The following SYNE2 variants were observed in gnomAD, a reference collection of about 807,000 sequenced individuals.
The protein encoded by SYNE2 is nesprin-2.
A neutral mutation model predicts 856.3 loss-of-function variants in SYNE2; 431 were observed. The ratio of observed to expected loss-of-function variants is 0.50; its 90% CI spans 0.47 to 0.55. SYNE2 has a LOEUF of 0.55. Among genes scored for constraint, SYNE2 ranks in the 20% least tolerant of loss-of-function variants. The pLI is 0.00. For missense variants in SYNE2, 8,129 were observed against 8,023.2 expected, an observed-to-expected ratio of 1.01 and a Z score of -0.50; for synonymous variants, 2,923 against 2,872.3, an observed-to-expected ratio of 1.02 and a Z score of -0.56.
intron 1 of SYNE2, among the ~76,000 whole-genome samples, chr14:63,767,111 C>CT (rs11374988): frequency 0.23 from 33,330 of 144,134 alleles, 4,629 homozygotes; most frequent in African/African-American, 0.39. Flanking sequence ...TTTTTTTTAT[C>CT]TTTTTTTTTT....
chr14:64,036,082 A>G (rs1311794017), intron 45 of SYNE2, among the ~76,000 whole-genome samples: 1 of 152,082 alleles, frequency 6.6e-6, no homozygotes, highest in African/African-American at 2.4e-5. Flanking sequence ...TAAATCCTTT[A>G]AGAGGCTAAC....
rs534781613 is a variant in SYNE2 at position 64,021,522 on chromosome 14, C to T, written c.5352+7C>T. The T allele has an allele frequency of 6.2e-7, 1 of 1,613,918 alleles. No homozygotes were observed. The highest frequency in any genetic ancestry group is 1.1e-5 in the South Asian group (1 of 91,072). Reference sequence around the variant, plus strand: ...GATCTTCACTAAACTAGAGGTGCTACCGAGCTGCTTGTCTTCTGTGGTTCA... The same window carrying T: ...GATCTTCACTAAACTAGAGGTGCTATCGAGCTGCTTGTCTTCTGTGGTTCA... On this transcript the variant is annotated splice_region_variant and intron_variant, in intron 36 of 115. Transcript: ENST00000555002.
chr14:63,909,329 A>G (rs2095445188), intron 2 of SYNE2, 102 bp downstream of exon 2: 2 of 682,116 alleles, frequency 2.9e-6, no homozygotes, highest in African/African-American at 3.6e-5. Flanking sequence ...ATGGAGATAA[A>G]TATATCTGTA....
At chr14:64,163,352 T>G (rs766107495) in intron 88 of SYNE2, 50 bp from the exon 89 acceptor site, 1 of 1,606,332 alleles carries the variant, frequency 6.2e-7, no homozygotes, top group Non-Finnish European at 8.5e-7. Flanking sequence ...GGTAGGGAAT[T>G]GTGGTTTGAA....
intron 61 of SYNE2, among the ~76,000 whole-genome samples, chr14:64,096,270 C>T (rs2097676320): frequency 6.6e-6 from 1 of 152,116 alleles, no homozygotes; most frequent in Admixed American, 6.5e-5. Flanking sequence ...GTGAAGAACC[C>T]AGTAACAACG....
At chr14:64,138,619 A>T (rs1353842779) in intron 79 of SYNE2, among the ~76,000 whole-genome samples, 1 of 148,966 alleles carries the variant, frequency 6.7e-6, no homozygotes, top group Non-Finnish European at 1.5e-5. Flanking sequence ...CTCTTTCCAA[A>T]AGTTTTAAAA....
At chr14:64,063,260 C>T (rs988001670) in intron 50 of SYNE2, among the ~76,000 whole-genome samples, 2 of 152,188 alleles carry the variant, frequency 1.3e-5, no homozygotes, top group African/African-American at 4.8e-5. Context: ...GTTGACCAGG[C>T]TGCTCTTGAA....
intron 1 of SYNE2, among the ~76,000 whole-genome samples, chr14:63,891,606 A>G (rs2095133898): frequency 6.6e-6 from 1 of 152,146 alleles, no homozygotes; most frequent in Non-Finnish European, 1.5e-5. Context: ...GGTTGTCTTC[A>G]GCTCAAAATA....
chr14:63,992,307 C>T (rs570758505), intron 21 of SYNE2, among the ~76,000 whole-genome samples: 1 of 152,116 alleles, frequency 6.6e-6, no homozygotes, highest in East Asian at 1.9e-4. Flanking sequence ...GACAGGGTCT[C>T]ACTCTGTCAC....
chr14:64,070,736 C>G lies in SYNE2; in HGVS notation c.10523C>G (p.Ser3508Cys). ...GAGGCAGCCACCACAGAGGAACTCT[C>G]TGAGCTGCTAGACTGTTTATGCCAA... Reference protein sequence around the residue: ...TKEAATTEELSELLDCLCQYG... With the variant: ...TKEAATTEELCELLDCLCQYG... The change falls in exon 52 of 116, where the codon TCT becomes TGT. Residue 3508 changes from serine (S) to cysteine (C), a missense_variant. Physicochemically the swap from Ser to Cys is moderately radical, Grantham distance 112. Coordinates refer to ENST00000555002, the MANE Select transcript of SYNE2 (RefSeq NM_182914.3). 1 of 1,614,230 alleles carries G rather than the reference C, an allele frequency of 6.2e-7. No individual in the cohort carries two copies. The highest frequency in any genetic ancestry group is 2.2e-5 in the East Asian group (1 of 44,882).
At chr14:64,121,133 C>T (rs1351110190) in intron 68 of SYNE2, 72 bp downstream of exon 68, 32 of 1,596,802 alleles carry the variant, frequency 2.0e-5, no homozygotes, top group Non-Finnish European at 2.6e-5. Context: ...TGCAAACCTA[C>T]AGTCCTAGCT....
At chr14:64,099,372 T>G (rs1157853165) in intron 63 of SYNE2, 1 of 170,794 alleles carries the variant, frequency 5.9e-6, no homozygotes, top group Non-Finnish European at 1.3e-5. Context: ...TTGAAGCAAC[T>G]TACAATTTTT....
At chr14:63,999,061 T>A (rs781635376) in intron 27 of SYNE2, 21 bp downstream of exon 27, 15 of 1,611,152 alleles carry the variant, frequency 9.3e-6, no homozygotes, top group Non-Finnish European at 1.3e-5. Context: ...AAAATATTAT[T>A]TCTCTGATTA....
chr14:64,222,705 G>GT (rs1268649351), intron 112 of SYNE2, among the ~76,000 whole-genome samples: 3 of 152,094 alleles, frequency 2.0e-5, no homozygotes, highest in African/African-American at 7.2e-5. Context: ...CACCCTGGGC[G>GT]ACAGAGTGAG....
chr14:63,938,960 G>GCTTGCATGTGTGCA (rs1432967370), intron 2 of SYNE2, among the ~76,000 whole-genome samples: 1 of 152,116 alleles, frequency 6.6e-6, no homozygotes, highest in Non-Finnish European at 1.5e-5. Context: ...GCATGTGTGC[G>GCTTGCATGTGTGCA]CTTGCATGTG....
intron 45 of SYNE2, among the ~76,000 whole-genome samples, chr14:64,047,553 C>G (rs2097195219): frequency 6.6e-6 from 1 of 152,172 alleles, no homozygotes; most frequent in African/African-American, 2.4e-5. Flanking sequence ...CCCTATCTGT[C>G]TAGGCATTTG....
chr14:64,182,512 T>C (rs1596042196), intron 96 of SYNE2, among the ~76,000 whole-genome samples: 1 of 151,906 alleles, frequency 6.6e-6, no homozygotes, highest in Non-Finnish European at 1.5e-5. Context: ...AGGTCTCTGG[T>C]TTTCCTAGGC....
intron 63 of SYNE2, 99 bp from the exon 64 acceptor site, chr14:64,101,833 A>T (rs2097732376): frequency 3.6e-6 from 3 of 839,222 alleles, no homozygotes; most frequent in Non-Finnish European, 4.1e-6. Context: ...ACACTGCCTG[A>T]TAAGTTGAGT....
chr14:64,102,280 C>G, intron 64 of SYNE2, among the ~76,000 whole-genome samples: 1 of 152,134 alleles, frequency 6.6e-6, no homozygotes, highest in East Asian at 1.9e-4. Flanking sequence ...CCACGCCCAG[C>G]TAATTTTTGT....
Sources: gnomAD v4.1 joint callset for allele counts (sites outside exome capture counted in the v4.1 genomes callset) on GRCh38, gnomAD v4.1.1 for gene constraint, MANE v1.5 for transcripts, NCBI Gene and HGNC (gene_info 2026-07-23, HGNC 2026-07-21) for gene names.